Variants in TET1 observed in about 807,000 individuals in gnomAD.
TET1 encodes the protein methylcytosine dioxygenase TET1.
In TET1, 13 loss-of-function variants were observed where a neutral mutation model predicts 148.7. That is an observed-to-expected ratio of 0.09 (90% CI 0.06 to 0.14). The LOEUF is 0.14. Ranked by LOEUF, TET1 falls within the 10% of genes least tolerant of loss-of-function variation. TET1 has a pLI of 1.00. For missense variants in TET1, 2,182 were observed against 2,553.8 expected (o/e 0.85, Z 3.14); for synonymous variants, 907 against 937.2 (o/e 0.97, Z 0.59).
chr10:68,673,408 A>G (rs747453357), intron 8 of TET1: 1 of 400,478 alleles, frequency 2.5e-6, no homozygotes, highest in South Asian at 1.9e-5. Context: ...CAGACCTACT[A>G]TGAAAGAATT....
At chr10:68,563,014 C>A (rs2053570919) in intron 1 of TET1, among the ~76,000 whole-genome samples, 1 of 151,092 alleles carries the variant, frequency 6.6e-6, no homozygotes, top group Admixed American at 6.6e-5. Flanking sequence ...TTTTTGTTTT[C>A]TTTTTGGGCA....
intron 2 of TET1, among the ~76,000 whole-genome samples, chr10:68,582,841 A>G (rs116558734): frequency 0.017 from 2,562 of 152,270 alleles, 74 homozygotes; most frequent in African/African-American, 0.058. Context: ...ATCTCTTTGT[A>G]TCACTACTGA....
chr10:68,613,653 T>A (rs2054248161), intron 3 of TET1, among the ~76,000 whole-genome samples: 1 of 152,050 alleles, frequency 6.6e-6, no homozygotes, highest in East Asian at 1.9e-4. Flanking sequence ...ACACTACTGG[T>A]TGGCCGGACA....
intron 3 of TET1, among the ~76,000 whole-genome samples, chr10:68,620,744 T>C (rs1248726522): frequency 6.6e-6 from 1 of 152,196 alleles, no homozygotes; most frequent in African/African-American, 2.4e-5. Context: ...TAAGAGCCAC[T>C]GCCAGACCTT....
intron 1 of TET1, among the ~76,000 whole-genome samples, chr10:68,564,667 A>G (rs891706993): frequency 6.6e-6 from 1 of 152,110 alleles, no homozygotes; most frequent in Non-Finnish European, 1.5e-5. Context: ...TTCTCATATC[A>G]TGTTATCATG....
At chr10:68,578,257 T>G (rs1564951091) in intron 2 of TET1, among the ~76,000 whole-genome samples, 1 of 152,090 alleles carries the variant, frequency 6.6e-6, no homozygotes, top group Admixed American at 6.6e-5. Flanking sequence ...TATTTTATTT[T>G]ATTTTATTTA....
chr10:68,570,253 T>C lies in TET1; in HGVS notation c.-122-1964T>C, dbSNP rs375077372. On this transcript the variant is annotated intron_variant, in intron 1 of 11. Coordinates refer to ENST00000373644, the MANE Select transcript of TET1 (RefSeq NM_030625.3). Reference sequence around the variant, plus strand: ...CGGAGTAGCTGGGATTACAGGCGCCTGCCACCACGCCCGGCTAATTTTTGT... The same window carrying C: ...CGGAGTAGCTGGGATTACAGGCGCCCGCCACCACGCCCGGCTAATTTTTGT... Among the ~76,000 whole-genome samples the C allele has an allele frequency of 9.2e-5, 14 of 151,632 alleles. No homozygotes were observed. The East Asian group carries it at 1.8e-3, about 19-fold the overall frequency.
At position 68,691,006 on chromosome 10, in the gene TET1, C is replaced by T. The variant is rs755857428; in HGVS notation, c.5603C>T (p.Ala1868Val). 1.9e-6 allele frequency: 3 copies of T among 1,614,174 alleles called. No homozygotes were observed. The highest frequency in any genetic ancestry group is 2.5e-6 in the Non-Finnish European group (3 of 1,180,010). ...TPAPLKNDAT[A>V]SCGFSERSST... ...GCTCCACTGAAGAATGACGCAACAG[C>T]CTCATGCGGGTTTTCAGAAAGAAGC... Residue 1868 changes from alanine (A) to valine (V), a missense_variant, in exon 12 of 12, where the codon GCC (alanine) becomes GTC (valine). Ala to Val is a moderately conservative substitution (Grantham distance 64, BLOSUM62 0). This residue lies in a region of TET1 where 380 missense variants were observed against 387.9 expected (regional missense o/e 0.98). Coordinates refer to ENST00000373644, the MANE Select transcript of TET1 (RefSeq NM_030625.3). This position sits in a 1 kb window ranked among gnomAD's most constrained non-coding sequence, Gnocchi z 4.4.
intron 3 of TET1, among the ~76,000 whole-genome samples, chr10:68,624,602 CTCTTTCTT>C (rs771481993): frequency 9.8e-4 from 112 of 113,952 alleles, no homozygotes; most frequent in Non-Finnish European, 1.7e-3. Context: ...TTTTCTTTTT[CTCTTTCTT>C]TCTTTCTTTC....
At chr10:68,683,320 C>T (rs1263613693) in intron 10 of TET1, among the ~76,000 whole-genome samples, 2 of 152,056 alleles carry the variant, frequency 1.3e-5, no homozygotes, top group African/African-American at 4.8e-5. Flanking sequence ...ACTCTGTCGC[C>T]CAGGCTAGAG....
chr10:68,597,618 A>T (rs1484419634), intron 2 of TET1, among the ~76,000 whole-genome samples: 1 of 152,210 alleles, frequency 6.6e-6, no homozygotes, highest in African/African-American at 2.4e-5. Flanking sequence ...ATTCTACTCC[A>T]AGGTGTATAC....
At chr10:68,587,557 A>G (rs1337018431) in intron 2 of TET1, among the ~76,000 whole-genome samples, 1 of 152,230 alleles carries the variant, frequency 6.6e-6, no homozygotes, top group African/African-American at 2.4e-5. Context: ...TAAAACAAGA[A>G]AATCAAAATA....
In TET1 at chr10:68,691,119, G is replaced by A. The variant is rs757931991; in HGVS notation, c.5716G>A (p.Glu1906Lys). Residue 1906 changes from glutamate to lysine, a missense_variant, in exon 12 of 12, where the codon GAA becomes AAA. Physicochemically the swap from Glu to Lys is moderately conservative, Grantham distance 56. Transcript: ENST00000373644. This position sits in a 1 kb window ranked among gnomAD's most constrained non-coding sequence, Gnocchi z 4.4. ...TGGCCCTGGCATTTCACAGCTTGGC[G>A]AAGTGGCTCCTCTCCCCACCCTGTC... ...ADGPGISQLGEVAPLPTLSAP... is the reference protein window; with the variant it reads ...ADGPGISQLGKVAPLPTLSAP... The A allele has an allele frequency of 5.2e-5, 84 of 1,614,088 alleles. 2 individuals carry two copies. In the South Asian group the frequency reaches 6.3e-4, roughly 12 times the overall value.
At chr10:68,655,988 A>G (rs2055015500) in intron 6 of TET1, among the ~76,000 whole-genome samples, 2 of 152,072 alleles carry the variant, frequency 1.3e-5, no homozygotes, top group Non-Finnish European at 1.5e-5. Flanking sequence ...TAGGACTGCA[A>G]ACCCTGTTGT....
intron 7 of TET1, among the ~76,000 whole-genome samples, chr10:68,669,704 C>T (rs568715829): frequency 6.6e-6 from 1 of 151,328 alleles, no homozygotes; most frequent in South Asian, 2.1e-4. Context: ...GGCTGGAGTG[C>T]AGTGGTGCAA....
chr10:68,627,210 C>T (rs895354418), intron 3 of TET1, among the ~76,000 whole-genome samples: 2 of 152,058 alleles, frequency 1.3e-5, no homozygotes, highest in South Asian at 4.1e-4. Context: ...GAGTTCAAGA[C>T]CAGCCTGGCC....
In TET1 at chr10:68,609,646, G is replaced by C. The variant is rs79740307; in HGVS notation, c.1968+8612G>C. 6.1e-3 allele frequency among the ~76,000 whole-genome samples: 924 copies of C among 152,224 alleles called. 9 individuals carry two copies. Among genetic ancestry groups the C allele is most frequent in the African/African-American group, 0.021 (880 of 41,548 alleles). ...TTGTCATCTATGTGTAAAATTCAGT[G>C]ATGTCACATGAATTTGATTAAAGCA... On this transcript the variant is annotated intron_variant, in intron 3 of 11. Transcript: ENST00000373644.
intron 1 of TET1, among the ~76,000 whole-genome samples, chr10:68,569,668 C>T (rs902649948): frequency 3.9e-5 from 6 of 152,120 alleles, no homozygotes; most frequent in Admixed American, 2.6e-4. Flanking sequence ...CCGTAATCTC[C>T]GCACTTGGGG....
At chr10:68,651,757 AG>A (rs2054938987) in intron 4 of TET1, 88 bp from the exon 5 acceptor site, 3 of 879,318 alleles carry the variant, frequency 3.4e-6, no homozygotes, top group Middle Eastern at 2.7e-4. Flanking sequence ...TTCTGAATTG[AG>A]GGGGAACAAA....
Sources: allele counts gnomAD v4.1 joint callset (sites outside exome capture counted in the v4.1 genomes callset), GRCh38; gene constraint gnomAD v4.1.1; regional missense constraint gnomAD v4.1.1; non-coding constraint Gnocchi (gnomAD v3.1); transcripts MANE v1.5; gene names NCBI Gene and HGNC (gene_info 2026-07-23, HGNC 2026-07-21).